The following DCDC1 variants were observed in gnomAD, a reference collection of about 807,000 sequenced individuals.
DCDC1 encodes doublecortin domain-containing protein 1.
A neutral mutation model predicts 178.3 loss-of-function variants in DCDC1; 200 were observed. That is an observed-to-expected ratio of 1.12 (90% CI 1.00 to 1.26). DCDC1 has a LOEUF of 1.26. DCDC1 is among the 50% of genes most tolerant of loss of function. The probability of loss-of-function intolerance (pLI) is 0.00; values close to 1 mark genes in which losing one functional copy is unlikely to be tolerated. For missense variants in DCDC1, 1,983 were observed against 1,749.2 expected (o/e 1.13, Z -2.38); for synonymous variants, 690 against 604.8 (o/e 1.14, Z -2.07).
intron 20 of DCDC1, among the ~76,000 whole-genome samples, chr11:31,012,929 G>C (rs1381514183): frequency 6.6e-6 from 1 of 152,052 alleles, no homozygotes; most frequent in Non-Finnish European, 1.5e-5. Context: ...TCTGAAGAAC[G>C]ACTAAGGGAA....
chr11:31,245,020 C>A (rs778504080), intron 8 of DCDC1, among the ~76,000 whole-genome samples: 13 of 151,478 alleles, frequency 8.6e-5, no homozygotes, highest in Non-Finnish European at 1.3e-4. Context: ...TCAACCAATA[C>A]CTTTCTCACT....
chr11:30,921,193 G>C (rs1045340142), intron 24 of DCDC1, among the ~76,000 whole-genome samples: 1 of 151,990 alleles, frequency 6.6e-6, no homozygotes, highest in Non-Finnish European at 1.5e-5. Flanking sequence ...ATTCAAATGG[G>C]CTACATTATT....
intron 12 of DCDC1, among the ~76,000 whole-genome samples, chr11:31,108,493 A>G (rs1472151137): frequency 6.6e-6 from 1 of 152,202 alleles, no homozygotes; most frequent in Non-Finnish European, 1.5e-5. Context: ...AAAACATGTT[A>G]TGCTGATCAT....
intron 20 of DCDC1, among the ~76,000 whole-genome samples, chr11:30,998,832 A>G (rs531552118): frequency 1.1e-4 from 17 of 152,174 alleles, no homozygotes; most frequent in Non-Finnish European, 2.2e-4. Context: ...GCTTCTAGCA[A>G]ATAGAGTACA....
At chr11:30,868,712 G>C (rs1300930600) in intron 38 of DCDC1, among the ~76,000 whole-genome samples, 1 of 152,180 alleles carries the variant, frequency 6.6e-6, no homozygotes, top group Non-Finnish European at 1.5e-5. Flanking sequence ...TTTACATGCT[G>C]TTTCTGGCAG....
At chr11:31,273,442 C>A (rs1945733021) in intron 7 of DCDC1, among the ~76,000 whole-genome samples, 1 of 152,154 alleles carries the variant, frequency 6.6e-6, no homozygotes, top group South Asian at 2.1e-4. Flanking sequence ...GGGCAACATA[C>A]CACAAGTCTC....
chr11:31,055,951 G>T (rs534718080), intron 20 of DCDC1, among the ~76,000 whole-genome samples: 90 of 152,106 alleles, frequency 5.9e-4, no homozygotes, highest in African/African-American at 1.8e-3. Context: ...CACCACTAAA[G>T]AACTTACTCA....
At chr11:31,125,791 G>A (rs934240624) in intron 11 of DCDC1, among the ~76,000 whole-genome samples, 5 of 152,118 alleles carry the variant, frequency 3.3e-5, no homozygotes, top group African/African-American at 1.2e-4. Context: ...GTTGGGTGGG[G>A]GGTAGAGCAT....
intron 8 of DCDC1, among the ~76,000 whole-genome samples, chr11:31,255,753 A>AT (rs1293305642): frequency 6.6e-6 from 1 of 151,880 alleles, no homozygotes; most frequent in Non-Finnish European, 1.5e-5. Context: ...ATTTGCAAAT[A>AT]TTTTTTCCAT....
At chr11:31,219,301 G>C (rs1973980650) in intron 9 of DCDC1, among the ~76,000 whole-genome samples, 1 of 152,056 alleles carries the variant, frequency 6.6e-6, no homozygotes, top group Admixed American at 6.6e-5. Flanking sequence ...TTTTTTAACT[G>C]ATCTCAAAAA....
chr11:30,993,142 C>A (rs1330261667), intron 20 of DCDC1, among the ~76,000 whole-genome samples: 1 of 151,954 alleles, frequency 6.6e-6, no homozygotes, highest in Non-Finnish European at 1.5e-5. Flanking sequence ...TATGTTAAAT[C>A]CTACTTCTTC....
intron 21 of DCDC1, among the ~76,000 whole-genome samples, chr11:30,932,603 T>C (rs1260601911): frequency 6.6e-6 from 1 of 152,208 alleles, no homozygotes; most frequent in Non-Finnish European, 1.5e-5. Flanking sequence ...GAATAATTTA[T>C]AGCAGGTCTT....
intron 37 of DCDC1, among the ~76,000 whole-genome samples, chr11:30,880,201 A>G (rs1413986548): frequency 6.6e-6 from 1 of 152,066 alleles, no homozygotes; most frequent in East Asian, 1.9e-4. Context: ...GCCAGGGTGA[A>G]GGGTAGTGAT....
chr11:31,174,638 T>C (rs942319118), intron 9 of DCDC1, among the ~76,000 whole-genome samples: 4 of 152,172 alleles, frequency 2.6e-5, no homozygotes, highest in African/African-American at 9.7e-5. Context: ...TGTGATGCTT[T>C]TCCAGGCTTG....
At chr11:30,883,654 A>G (rs1235621394) in intron 36 of DCDC1, 1 of 207,536 alleles carries the variant, frequency 4.8e-6, no homozygotes, top group African/African-American at 2.4e-5. Context: ...TACCAAAGAA[A>G]ATGAAGCAAA....
Position 30,952,542 on chromosome 11 carries a change from C to A in DCDC1, c.2618G>T (p.Ser873Ile). The change falls in exon 21 of 39, where the codon AGT becomes ATT. Residue 873 changes from serine (S) to isoleucine (I), a missense_variant. Ser to Ile is a moderately radical substitution (Grantham distance 142). Transcript: ENST00000684477. The stretch of plus-strand genomic sequence containing the variant: ...AGAATGTTTCCACTGGCCTGGCTTA[C>A]TGGTTCCTTCATGTTTTATGGCCCA... ...QRWAIKHEGT[S>I]KPGQWKHSRV... The A allele has an allele frequency of 6.5e-7, 1 of 1,534,804 alleles. No homozygotes were observed. The highest frequency in any genetic ancestry group is 8.9e-7 in the Non-Finnish European group (1 of 1,127,684).
intron 20 of DCDC1, among the ~76,000 whole-genome samples, chr11:30,984,234 C>T (rs955356697): frequency 2.0e-5 from 3 of 151,942 alleles, no homozygotes; most frequent in Non-Finnish European, 4.4e-5. Context: ...TGTGTGTGTG[C>T]GAGCGCAGGT....
intron 21 of DCDC1, among the ~76,000 whole-genome samples, chr11:30,934,227 C>A (rs559844289): frequency 1.3e-5 from 2 of 152,206 alleles, no homozygotes; most frequent in Admixed American, 6.5e-5. Flanking sequence ...TAGGCGACCC[C>A]CTAGGGACTC....
intron 26 of DCDC1, among the ~76,000 whole-genome samples, chr11:30,916,359 A>G (rs1254338241): frequency 6.6e-6 from 1 of 152,222 alleles, no homozygotes; most frequent in Non-Finnish European, 1.5e-5. Flanking sequence ...AGTGTCAAAA[A>G]TGTTTAATTC....
Sources: allele counts gnomAD v4.1 joint callset (sites outside exome capture counted in the v4.1 genomes callset), GRCh38; gene constraint gnomAD v4.1.1; transcripts MANE v1.5; gene names NCBI Gene and HGNC (gene_info 2026-07-23, HGNC 2026-07-21).